MCF2: variants seen among roughly 807,000 people sequenced by gnomAD.
MCF2 encodes the protein MCF.2 cell line derived transforming sequence.
A neutral mutation model predicts 82.5 loss-of-function variants in MCF2; 44 were observed. That is an observed-to-expected ratio of 0.53 (90% CI 0.42 to 0.69). The LOEUF is 0.69. MCF2 is among the 30% of genes least tolerant of loss of function. The pLI is 0.00. For synonymous variants in MCF2, 217 were observed against 224.9 expected, an observed-to-expected ratio of 0.96 and a Z score of 0.32; for missense variants, 623 against 663.1, an observed-to-expected ratio of 0.94 and a Z score of 0.66.
upstream of MCF2, among the ~76,000 whole-genome samples, chrX:139,644,838 T>A (rs1933745913): frequency 8.9e-6 from 1 of 112,062 alleles, no homozygotes; most frequent in Non-Finnish European, 1.9e-5. Context: ...GTTGGCCACA[T>A]GGCACTTCCA....
chrX:139,588,922 G>A (rs1300000320), intron 20 of MCF2, among the ~76,000 whole-genome samples: 9 of 108,027 alleles, frequency 8.3e-5, no homozygotes, highest in Non-Finnish European at 1.7e-4. Context: ...AGGGTGAGAC[G>A]CTGTCTCAAA....
At chrX:139,674,588 G>A (rs1391139044) in intron 1 of MCF2, among the ~76,000 whole-genome samples, 2 of 111,831 alleles carry the variant, frequency 1.8e-5, no homozygotes, top group African/African-American at 6.5e-5. Flanking sequence ...ATGAAGCTTA[G>A]TTTGGCTGGA....
chrX:139,646,247 A>G (rs1202577233), upstream of MCF2, among the ~76,000 whole-genome samples: 1 of 109,470 alleles, frequency 9.1e-6, no homozygotes, highest in Non-Finnish European at 1.9e-5. Context: ...CTTGTTCTTC[A>G]GGGTTAGTAA....
At chrX:139,641,139 T>C (rs1451034487) in intron 1 of MCF2, among the ~76,000 whole-genome samples, 3 of 107,651 alleles carry the variant, frequency 2.8e-5, no homozygotes, top group Non-Finnish European at 5.7e-5. Context: ...TGCATGTGTA[T>C]AGACATAAAA....
At chrX:139,590,932 G>C (rs190979972) in intron 19 of MCF2, among the ~76,000 whole-genome samples, 3 of 111,212 alleles carry the variant, frequency 2.7e-5, no homozygotes, top group South Asian at 3.8e-4. Flanking sequence ...AACGTAGTAA[G>C]AAGTTATTTT....
At chrX:139,626,510 A>G (rs1448081242) in intron 5 of MCF2, 113 bp downstream of exon 8, 2 of 791,852 alleles carry the variant, frequency 2.5e-6, no homozygotes, top group Non-Finnish European at 1.8e-6. Flanking sequence ...ATAAGTTCTC[A>G]GATTTCCAGA....
chrX:139,640,844 GAAAA>G lies in MCF2; in HGVS notation c.51+1620_51+1623del, dbSNP rs768347787. On this transcript the variant is annotated intron_variant, in intron 1 of 24. Transcript: ENST00000370576. ...TACATATCACTTAATTCATTTATGA[GAAAA>G]AAAAACACAGGAAAGAATCAAGGAA... Among the ~76,000 whole-genome samples, 4 of 107,351 alleles carry G rather than the reference GAAAA, an allele frequency of 3.7e-5. No individual in the cohort carries two copies. The Admixed American group carries it at 4.0e-4, about 11-fold the overall frequency. The allele number at this position is 107,351 out of a possible 115,157, so 93.2% of individuals were successfully genotyped here. A position where few individuals can be genotyped will look rare whatever the true frequency, so the allele number is the denominator to read the frequency against.
At chrX:139,642,859 GAA>G in exon 1 of MCF2, 2 of 887,547 alleles carry the variant, frequency 2.3e-6, no homozygotes, top group Non-Finnish European at 2.8e-6. Context: ...GAAGGAGGAG[GAA>G]AAAAAAACCA....
At chrX:139,603,323 A>G (rs1930706419) in intron 15 of MCF2, among the ~76,000 whole-genome samples, 1 of 112,395 alleles carries the variant, frequency 8.9e-6, no homozygotes, top group Non-Finnish European at 1.9e-5. Context: ...CCAATGAGAG[A>G]TACAACAATA....
At chrX:139,667,082 A>G (rs1934542126) in intron 1 of MCF2, among the ~76,000 whole-genome samples, 1 of 110,587 alleles carries the variant, frequency 9.0e-6, no homozygotes. Context: ...TAAAATATCC[A>G]TCTCTTTGGT....
chrX:139,611,602 T>C (rs1454158865), intron 10 of MCF2, among the ~76,000 whole-genome samples: 1 of 111,931 alleles, frequency 8.9e-6, no homozygotes, highest in African/African-American at 3.2e-5. Context: ...ACAATATAAA[T>C]ACATACAAAA....
chrX:139,688,577 G>A (rs1174253310), intron 1 of MCF2, among the ~76,000 whole-genome samples: 1 of 112,076 alleles, frequency 8.9e-6, no homozygotes, highest in Admixed American at 9.5e-5. Context: ...CAGTGAACAG[G>A]TTTTCACAAC....
chrX:139,632,068 C>T (rs1356309966), intron 2 of MCF2, among the ~76,000 whole-genome samples: 1 of 111,231 alleles, frequency 9.0e-6, no homozygotes, highest in Non-Finnish European at 1.9e-5. Context: ...CATATACACA[C>T]ATGCACACAT....
chrX:139,595,781 A>T (rs1205789590), intron 19 of MCF2, among the ~76,000 whole-genome samples: 3 of 111,140 alleles, frequency 2.7e-5, no homozygotes, highest in African/African-American at 9.8e-5. Flanking sequence ...TCAAAAGATG[A>T]AATGCATTAG....
chrX:139,682,836 C>T (rs780989483), intron 1 of MCF2, among the ~76,000 whole-genome samples: 200 of 112,433 alleles, frequency 1.8e-3, no homozygotes, highest in African/African-American at 6.2e-3. Flanking sequence ...TTATTGTTTT[C>T]CCTTGGGAGA....
At chrX:139,584,165 C>T (rs1489254234) in intron 24 of MCF2, among the ~76,000 whole-genome samples, 5 of 67,213 alleles carry the variant, frequency 7.4e-5, no homozygotes, top group Non-Finnish European at 1.0e-4. Flanking sequence ...GACAGAGTTT[C>T]GCTCTTGTTG....
intron 1 of MCF2, among the ~76,000 whole-genome samples, chrX:139,699,377 T>C (rs1603311207): frequency 8.9e-6 from 1 of 112,092 alleles, no homozygotes; most frequent in Non-Finnish European, 1.9e-5. Context: ...GCCATACAAT[T>C]CTCCCATTTA....
chrX:139,635,752 G>A (rs138873934), intron 1 of MCF2, among the ~76,000 whole-genome samples: 1 of 111,412 alleles, frequency 9.0e-6, no homozygotes, highest in Non-Finnish European at 1.9e-5. Flanking sequence ...AGGTTTGGGG[G>A]TATATGCAAA....
At chrX:139,621,974 T>G (rs1213694673) in intron 6 of MCF2, among the ~76,000 whole-genome samples, 5 of 111,388 alleles carry the variant, frequency 4.5e-5, no homozygotes, top group Admixed American at 9.6e-5. Flanking sequence ...TTTCGCAACC[T>G]ACTCATCTGA....
Sources: allele counts gnomAD v4.1 joint callset (sites outside exome capture counted in the v4.1 genomes callset), GRCh38; gene constraint gnomAD v4.1.1; transcripts MANE v1.5; gene names NCBI Gene and HGNC (gene_info 2026-07-23, HGNC 2026-07-21).